USP43: variants seen among roughly 807,000 people sequenced by gnomAD.
The protein encoded by USP43 is ubiquitin carboxyl-terminal hydrolase 43.
A neutral mutation model predicts 90.7 loss-of-function variants in USP43; 33 were observed. That is an observed-to-expected ratio of 0.36 (90% CI 0.28 to 0.49). The LOEUF is 0.49. Ranked by LOEUF, USP43 falls within the 20% of genes least tolerant of loss-of-function variation. The pLI, the probability that USP43 is intolerant of heterozygous loss-of-function variation, is 0.98. For synonymous variants in USP43, 598 were observed against 615.8 expected (o/e 0.97, Z 0.43); for missense variants, 1,274 against 1,476.4 (o/e 0.86, Z 2.25).
intron 12 of USP43, among the ~76,000 whole-genome samples, chr17:9,705,486 G>C (rs1915817116): frequency 6.6e-6 from 1 of 152,062 alleles, no homozygotes; most frequent in African/African-American, 2.4e-5. Flanking sequence ...CGGGCGTGGT[G>C]GCTCACGCCT....
At chr17:9,719,020 C>T (rs974693602) in intron 14 of USP43, among the ~76,000 whole-genome samples, 1 of 151,890 alleles carries the variant, frequency 6.6e-6, no homozygotes, top group Admixed American at 6.6e-5. Flanking sequence ...CCCAGCTACT[C>T]GGGAGGCTGA....
chr17:9,714,555 C>T (rs112309119), intron 14 of USP43, among the ~76,000 whole-genome samples: 7,714 of 151,652 alleles, frequency 0.051, 229 homozygotes, highest in Middle Eastern at 0.092. Context: ...TGGTGGCGCA[C>T]GCCTGTAATC....
intron 14 of USP43, among the ~76,000 whole-genome samples, chr17:9,716,924 T>A (rs1198042399): frequency 6.6e-6 from 1 of 151,968 alleles, no homozygotes; most frequent in Non-Finnish European, 1.5e-5. Context: ...TCACCTGAGG[T>A]CAGGAGTTTG....
chr17:9,720,616 G>A (rs1032805255), intron 14 of USP43, among the ~76,000 whole-genome samples: 9 of 151,916 alleles, frequency 5.9e-5, no homozygotes, highest in African/African-American at 2.2e-4. Context: ...AGCCTTCCAA[G>A]TAGCTGGGAT....
chr17:9,725,423 G>C (rs762421980), intron 14 of USP43, among the ~76,000 whole-genome samples: 1 of 152,060 alleles, frequency 6.6e-6, no homozygotes, highest in Non-Finnish European at 1.5e-5. Flanking sequence ...CCATCTCCCC[G>C]GGGGAGGGGT....
chr17:9,693,411 T>G (rs190635374), intron 9 of USP43, among the ~76,000 whole-genome samples, 181 bp downstream of exon 9: 341 of 140,886 alleles, frequency 2.4e-3, no homozygotes, highest in African/African-American at 0.011. Context: ...CCCGTATGTC[T>G]GGAGAGGCAC....
chr17:9,694,197 A>G (rs1261679537), intron 9 of USP43, among the ~76,000 whole-genome samples: 1 of 152,240 alleles, frequency 6.6e-6, no homozygotes, highest in Non-Finnish European at 1.5e-5. Flanking sequence ...AGCCAAATTC[A>G]ACCTGACTGA....
At chr17:9,657,350 T>G (rs1481694792) in intron 2 of USP43, among the ~76,000 whole-genome samples, 1 of 151,628 alleles carries the variant, frequency 6.6e-6, no homozygotes, top group African/African-American at 2.4e-5. Flanking sequence ...CTATTAGTAA[T>G]ATAAAAATGA....
At position 9,674,092 on chromosome 17, in the gene USP43, C is replaced by G. The variant is rs1044931987; in HGVS notation, c.741-799C>G. 1.3e-5 allele frequency among the ~76,000 whole-genome samples: 2 copies of G among 152,138 alleles called. No individual in the cohort carries two copies. The highest frequency in any genetic ancestry group is 2.9e-5 in the Non-Finnish European group (2 of 68,018). On this transcript the variant is annotated intron_variant, in intron 3 of 14. Coordinates refer to ENST00000285199, the MANE Select transcript of USP43 (RefSeq NM_153210.5). This position sits in a 1 kb window ranked among gnomAD's most constrained non-coding sequence, Gnocchi z 4.4. ...CCTGGACATTGGAATTTTAAAAAAG[C>G]CTTCCTGTGGTTCTGGGGCACAGTG... is the stretch of plus-strand genomic sequence containing the variant.
chr17:9,666,163 A>T (rs902527364), intron 2 of USP43, among the ~76,000 whole-genome samples: 4 of 152,164 alleles, frequency 2.6e-5, no homozygotes, highest in Admixed American at 1.3e-4. Context: ...GAAAAGCCTC[A>T]TTTGCCTGCA....
intron 2 of USP43, among the ~76,000 whole-genome samples, chr17:9,665,879 G>A (rs190929719): frequency 2.2e-3 from 329 of 152,242 alleles, no homozygotes; most frequent in African/African-American, 7.7e-3. Context: ...AAGGAATGCC[G>A]GCAGCCACCA....
At chr17:9,715,048 G>A (rs71358269) in intron 14 of USP43, among the ~76,000 whole-genome samples, 12,602 of 152,192 alleles carry the variant, frequency 0.083, 614 homozygotes, top group East Asian at 0.19. Flanking sequence ...AGCAGGCGAG[G>A]TGACTGAAGG....
At chr17:9,677,063 C>T (rs73255772) in intron 5 of USP43, among the ~76,000 whole-genome samples, 182 bp downstream of exon 5, 2,233 of 152,228 alleles carry the variant, frequency 0.015, 52 homozygotes, top group African/African-American at 0.049. Context: ...CCTGCATTGA[C>T]ACAGAATGAC....
chr17:9,722,311 T>C (rs933743214), intron 14 of USP43, among the ~76,000 whole-genome samples: 7 of 152,188 alleles, frequency 4.6e-5, no homozygotes, highest in African/African-American at 1.7e-4. Flanking sequence ...TCTTGGGCTT[T>C]AGGCACCTTT....
At chr17:9,707,182 G>C (rs993764631) in intron 12 of USP43, among the ~76,000 whole-genome samples, 5 of 151,978 alleles carry the variant, frequency 3.3e-5, no homozygotes, top group African/African-American at 1.2e-4. Flanking sequence ...TGAAACACTG[G>C]GTTCCATCAT....
chr17:9,692,975 C>T (rs969782956), intron 8 of USP43, among the ~76,000 whole-genome samples, 152 bp from the exon 9 acceptor site: 12 of 152,070 alleles, frequency 7.9e-5, no homozygotes, highest in African/African-American at 2.9e-4. Flanking sequence ...AAGTTTTTGT[C>T]TCTTAATTTT....
chr17:9,700,266 TTGCCACC>T lies in USP43; in HGVS notation c.1535+21_1535+27del. The T allele has an allele frequency of 6.3e-7, 1 of 1,581,286 alleles. No homozygotes were observed. The highest frequency in any genetic ancestry group is 8.6e-7 in the Non-Finnish European group (1 of 1,163,472). ...CAAGGAGCGGTGAGTTCAAGGGAAT[TTGCCACC>T]TGCAGAGCTGAGACAGGGCCTGTGT... On this transcript the variant is annotated intron_variant, in intron 10 of 14. Transcript: ENST00000285199.
Position 9,728,551 on chromosome 17 carries a change from G to T in USP43, c.2933G>T (p.Ser978Ile), listed in dbSNP as rs1567689454. The change falls in exon 15 of 15, where the codon AGC (serine) becomes ATC (isoleucine). Residue 978 changes from serine to isoleucine, a missense_variant. Physicochemically the swap from Ser to Ile is moderately radical, Grantham distance 142 (BLOSUM62 -2). This residue lies in a region of USP43 where 353 missense variants were observed against 329.7 expected (regional missense o/e 1.07). Coordinates refer to ENST00000285199, the MANE Select transcript of USP43 (RefSeq NM_153210.5). This position sits in a 1 kb window ranked among gnomAD's most constrained non-coding sequence, Gnocchi z 6.2. ...PSPYMGFSGNSKDSRRGTSEL... is the reference protein window; with the variant it reads ...PSPYMGFSGNIKDSRRGTSEL... ...CCCTATATGGGATTCTCTGGAAACA[G>T]CAAAGACAGTCGCCGAGGCACCTCT... 6.2e-7 allele frequency: 1 copy of T among 1,614,002 alleles called. No individual in the cohort carries two copies.
At chr17:9,660,390 C>A (rs1912560421) in intron 2 of USP43, among the ~76,000 whole-genome samples, 4 of 152,170 alleles carry the variant, frequency 2.6e-5, no homozygotes, top group African/African-American at 7.2e-5. Context: ...ACCTCGTGAT[C>A]CGCCTGCCTT....
Sources: allele counts gnomAD v4.1 joint callset (sites outside exome capture counted in the v4.1 genomes callset), GRCh38; gene constraint gnomAD v4.1.1; regional missense constraint gnomAD v4.1.1; non-coding constraint Gnocchi (gnomAD v3.1); transcripts MANE v1.5; gene names NCBI Gene and HGNC (gene_info 2026-07-23, HGNC 2026-07-21).